CCSER1: variants seen among roughly 807,000 people sequenced by gnomAD.
The protein encoded by CCSER1 is coiled-coil serine rich protein 1.
Under a neutral mutation model 82.0 loss-of-function variants are expected in CCSER1, and 41 were observed. The ratio of observed to expected loss-of-function variants is 0.50; its 90% CI spans 0.39 to 0.65. The LOEUF (loss-of-function observed/expected upper bound fraction) is 0.65. Among genes scored for constraint, CCSER1 ranks in the 30% least tolerant of loss-of-function variants. CCSER1 has a pLI of 0.00. For missense variants in CCSER1, 1,119 were observed against 1,064.2 expected, an observed-to-expected ratio of 1.05 and a Z score of -0.72; for synonymous variants, 414 against 383.9, an observed-to-expected ratio of 1.08 and a Z score of -0.92.
chr4:91,107,446 G>A (rs990038701), intron 10 of CCSER1, among the ~76,000 whole-genome samples: 1 of 151,980 alleles, frequency 6.6e-6, no homozygotes, highest in African/African-American at 2.4e-5. Flanking sequence ...TAGTAGAGAT[G>A]GGGTTTCACC....
At chr4:90,716,453 A>G (rs183860930) in intron 6 of CCSER1, among the ~76,000 whole-genome samples, 3 of 152,244 alleles carry the variant, frequency 2.0e-5, no homozygotes, top group Non-Finnish European at 4.4e-5. Flanking sequence ...TTTCCAGCCT[A>G]GAATAAAGTG....
intron 1 of CCSER1, among the ~76,000 whole-genome samples, chr4:90,133,693 A>G (rs1723183804): frequency 6.6e-6 from 1 of 151,896 alleles, no homozygotes; most frequent in Non-Finnish European, 1.5e-5. Flanking sequence ...TTCCCTAGGG[A>G]TACCTTTCTT....
At chr4:90,134,574 T>A (rs985327573) in intron 1 of CCSER1, among the ~76,000 whole-genome samples, 2 of 152,242 alleles carry the variant, frequency 1.3e-5, no homozygotes, top group Admixed American at 1.3e-4. Flanking sequence ...TGTGCGTTCA[T>A]GCAGAGAAAG....
chr4:90,185,786 A>T (rs913004875), intron 1 of CCSER1, among the ~76,000 whole-genome samples: 2 of 133,616 alleles, frequency 1.5e-5, no homozygotes, highest in African/African-American at 4.9e-5. Flanking sequence ...ATTAAATTTA[A>T]AATATTTATC....
intron 7 of CCSER1, among the ~76,000 whole-genome samples, chr4:90,794,746 A>G (rs911926525): frequency 3.3e-5 from 5 of 152,136 alleles, no homozygotes; most frequent in Non-Finnish European, 7.4e-5. Flanking sequence ...TGAATCAGTA[A>G]ATTGCTTTGG....
At chr4:91,092,061 C>T (rs374914304) in intron 10 of CCSER1, among the ~76,000 whole-genome samples, 59 of 152,156 alleles carry the variant, frequency 3.9e-4, no homozygotes, top group African/African-American at 1.2e-3. Flanking sequence ...GGGGGTGCAC[C>T]TAATTTTAAA....
chr4:90,774,828 C>A lies in CCSER1; in HGVS notation c.2011-40934C>A, dbSNP rs76224962. Among the ~76,000 whole-genome samples the A allele has an allele frequency of 4.7e-4, 72 of 152,200 alleles. 1 individual carries two copies. The East Asian group carries it at 0.011, about 24-fold the overall frequency. ...GTAGGCAGTCATCCACACAACACTT[C>A]CTAATGAATTATAATAAGCTCATTA... On this transcript the variant is annotated intron_variant, in intron 7 of 10. Coordinates refer to ENST00000509176, the MANE Select transcript of CCSER1 (RefSeq NM_001145065.2).
chr4:90,215,902 G>C (rs1410727753), intron 1 of CCSER1, among the ~76,000 whole-genome samples: 4 of 152,274 alleles, frequency 2.6e-5, no homozygotes, highest in African/African-American at 9.6e-5. Context: ...GGCCTGCACA[G>C]GGTCAGGATG....
chr4:91,286,799 G>A (rs1743311639), intron 10 of CCSER1, among the ~76,000 whole-genome samples: 1 of 151,680 alleles, frequency 6.6e-6, no homozygotes, highest in South Asian at 2.1e-4. Context: ...TAAACATCAA[G>A]TTTCGTAATG....
intron 4 of CCSER1, among the ~76,000 whole-genome samples, chr4:90,461,362 C>T (rs1454673972): frequency 1.7e-5 from 2 of 117,112 alleles, no homozygotes; most frequent in Non-Finnish European, 3.4e-5. Context: ...CCACCGCGCC[C>T]GGCCCGGCTA....
intron 5 of CCSER1, among the ~76,000 whole-genome samples, chr4:90,610,475 T>G (rs1223464182): frequency 6.6e-6 from 1 of 152,076 alleles, no homozygotes; most frequent in Non-Finnish European, 1.5e-5. Context: ...TTAAACGTAT[T>G]CATACACGTA....
intron 1 of CCSER1, among the ~76,000 whole-genome samples, chr4:90,270,232 A>G (rs1024079143): frequency 7.9e-5 from 12 of 152,258 alleles, no homozygotes; most frequent in Non-Finnish European, 1.6e-4. Context: ...CTACAGGTCA[A>G]TATCATTGAT....
chr4:91,449,190 G>A (rs1755738319), intron 10 of CCSER1, among the ~76,000 whole-genome samples: 1 of 151,986 alleles, frequency 6.6e-6, no homozygotes, highest in Non-Finnish European at 1.5e-5. Context: ...CTCCTGAGAA[G>A]CTGCTCTCAC....
chr4:90,208,495 C>G (rs1335009695), intron 1 of CCSER1, among the ~76,000 whole-genome samples: 2 of 151,390 alleles, frequency 1.3e-5, no homozygotes, highest in East Asian at 3.9e-4. Context: ...TTCAGCCCCT[C>G]TTTCCAGGGG....
At chr4:90,311,404 A>G (rs1230365297) in intron 2 of CCSER1, among the ~76,000 whole-genome samples, 1 of 114,048 alleles carries the variant, frequency 8.8e-6, no homozygotes, top group African/African-American at 3.8e-5. Context: ...ACACAATAAC[A>G]CATTAATTTT....
chr4:90,632,586 A>T (rs1047622314), intron 6 of CCSER1, among the ~76,000 whole-genome samples: 1 of 152,122 alleles, frequency 6.6e-6, no homozygotes, highest in Non-Finnish European at 1.5e-5. Context: ...AGAGATGGAG[A>T]TGAGTAATGG....
At chr4:91,452,515 A>G (rs1004184500) in intron 10 of CCSER1, among the ~76,000 whole-genome samples, 1 of 152,044 alleles carries the variant, frequency 6.6e-6, no homozygotes, top group Non-Finnish European at 1.5e-5. Context: ...ATGTCAAGCA[A>G]ATCTAAATGT....
At chr4:91,173,572 C>T (rs1210508467) in intron 10 of CCSER1, among the ~76,000 whole-genome samples, 1 of 131,012 alleles carries the variant, frequency 7.6e-6, no homozygotes, top group Non-Finnish European at 1.5e-5. Flanking sequence ...CCAGCCTGGG[C>T]GACAGAGTGA....
At chr4:90,922,450 T>C (rs1001508958) in intron 8 of CCSER1, among the ~76,000 whole-genome samples, 11 of 152,016 alleles carry the variant, frequency 7.2e-5, no homozygotes, top group African/African-American at 2.2e-4. Flanking sequence ...ATCGTTTGGG[T>C]ATTATATAAC....
Sources: allele counts gnomAD v4.1 joint callset (sites outside exome capture counted in the v4.1 genomes callset), GRCh38; gene constraint gnomAD v4.1.1; transcripts MANE v1.5; gene names NCBI Gene and HGNC (gene_info 2026-07-23, HGNC 2026-07-21).